The following KCND2 variants were observed in gnomAD, a reference collection of about 807,000 sequenced individuals.
KCND2 encodes potassium voltage-gated channel subfamily D member 2.
In KCND2, 16 loss-of-function variants were observed where a neutral mutation model predicts 54.4. The observed-to-expected ratio is 0.29, with a 90% CI of 0.20 to 0.45. The LOEUF is 0.45. Ranked by LOEUF, KCND2 falls within the 20% of genes least tolerant of loss-of-function variation. The pLI is 1.00. For missense variants in KCND2, 486 were observed against 824.2 expected (o/e 0.59, Z 5.02); for synonymous variants, 317 against 310.7 (o/e 1.02, Z -0.21).
chr7:120,513,882 T>C (rs1468385578), intron 1 of KCND2, among the ~76,000 whole-genome samples: 1 of 152,128 alleles, frequency 6.6e-6, no homozygotes, highest in African/African-American at 2.4e-5. Context: ...AGTTCAGGAA[T>C]TGTTTTGAAG....
intron 1 of KCND2, among the ~76,000 whole-genome samples, chr7:120,454,816 A>C (rs765609278): frequency 6.6e-6 from 1 of 152,206 alleles, no homozygotes; most frequent in African/African-American, 2.4e-5. Flanking sequence ...CTAGATCTTT[A>C]TAAGCCACTT....
intron 1 of KCND2, among the ~76,000 whole-genome samples, chr7:120,389,920 A>G (rs528667051): frequency 6.6e-6 from 1 of 152,034 alleles, no homozygotes; most frequent in Non-Finnish European, 1.5e-5. Flanking sequence ...TTGATCACCT[A>G]TTAATGAGAG....
chr7:120,537,920 T>A (rs1791931881), intron 1 of KCND2, among the ~76,000 whole-genome samples: 1 of 152,208 alleles, frequency 6.6e-6, no homozygotes, highest in Non-Finnish European at 1.5e-5. Flanking sequence ...TAAGGCTGTT[T>A]CACTTTATTA....
chr7:120,618,802 GA>G (rs1473639122), intron 1 of KCND2, among the ~76,000 whole-genome samples: 1 of 152,020 alleles, frequency 6.6e-6, no homozygotes, highest in Non-Finnish European at 1.5e-5. Context: ...ATGTCATTGT[GA>G]TATTCAGTGT....
rs1801914059 is a variant in KCND2, at chr7:120,439,169, TTTATA to T, written c.1115+163429_1115+163433del. Reference sequence around the variant, plus strand: ...TCAGAAGAAATTATGGTTCTTTAAATTTATATTATATGTTCCCTGTAAGAAATTAA... The same window carrying T: ...TCAGAAGAAATTATGGTTCTTTAAATTTATATGTTCCCTGTAAGAAATTAA... On this transcript the variant is annotated intron_variant, in intron 1 of 5. Coordinates refer to ENST00000331113, the MANE Select transcript of KCND2 (RefSeq NM_012281.3). Among the ~76,000 whole-genome samples, 8 of 152,202 alleles carry T rather than the reference TTTATA, an allele frequency of 5.3e-5. No homozygotes were observed. The South Asian group carries it at 1.7e-3, about 32-fold the overall frequency.
At chr7:120,362,509 T>C (rs1032160372) in intron 1 of KCND2, among the ~76,000 whole-genome samples, 1 of 152,064 alleles carries the variant, frequency 6.6e-6, no homozygotes, top group African/African-American at 2.4e-5. Context: ...TATTTCCAAG[T>C]AAAAATATGT....
intron 1 of KCND2, among the ~76,000 whole-genome samples, chr7:120,602,493 C>T (rs1412109229): frequency 6.6e-6 from 1 of 152,270 alleles, no homozygotes; most frequent in East Asian, 1.9e-4. Flanking sequence ...CCAGTTATGG[C>T]GATGCTGAGC....
chr7:120,578,725 G>A (rs987190291), intron 1 of KCND2, among the ~76,000 whole-genome samples: 2 of 151,986 alleles, frequency 1.3e-5, no homozygotes, highest in Non-Finnish European at 2.9e-5. Flanking sequence ...CATTAACCTG[G>A]CGTGGTGGTG....
chr7:120,341,993 A>T (rs1045241117), intron 1 of KCND2, among the ~76,000 whole-genome samples: 2 of 152,162 alleles, frequency 1.3e-5, no homozygotes, highest in African/African-American at 4.8e-5. Flanking sequence ...ATCCCATCTC[A>T]TGTGATTTTT....
chr7:120,343,280 T>C (rs1236721916), intron 1 of KCND2, among the ~76,000 whole-genome samples: 1 of 152,042 alleles, frequency 6.6e-6, no homozygotes, highest in East Asian at 1.9e-4. Context: ...AACTAGCTAG[T>C]CTATTCCAGA....
chr7:120,716,676 C>T (rs543021359), intron 1 of KCND2, among the ~76,000 whole-genome samples: 5 of 152,204 alleles, frequency 3.3e-5, no homozygotes, highest in East Asian at 3.9e-4. Flanking sequence ...GATTTCAGTG[C>T]CCCAGTCTTC....
chr7:120,591,815 T>C (rs1792675312), intron 1 of KCND2, among the ~76,000 whole-genome samples: 6 of 151,780 alleles, frequency 4.0e-5, no homozygotes, highest in Admixed American at 3.9e-4. Flanking sequence ...CTTGCCACTA[T>C]GTGTGAAATA....
chr7:120,453,866 C>T (rs1802155489), intron 1 of KCND2, among the ~76,000 whole-genome samples: 1 of 152,156 alleles, frequency 6.6e-6, no homozygotes, highest in South Asian at 2.1e-4. Flanking sequence ...GTGGGCGGAT[C>T]ATGAGGTCAC....
Position 120,489,296 on chromosome 7 carries a change from TAA to T in KCND2, c.1115+213550_1115+213551del, listed in dbSNP as rs532967258. Among the ~76,000 whole-genome samples, 15 of 152,196 alleles carry T rather than the reference TAA, an allele frequency of 9.9e-5. No individual in the cohort carries two copies. The South Asian group carries it at 1.2e-3, about 13-fold the overall frequency. ...TATATGTATGAACTAGATAGATGCA[TAA>T]GTCATATACAATGTATTAATATGAT... On this transcript the variant is annotated intron_variant, in intron 1 of 5. Coordinates refer to ENST00000331113, the MANE Select transcript of KCND2 (RefSeq NM_012281.3).
chr7:120,669,989 C>T (rs1791971377), intron 1 of KCND2, among the ~76,000 whole-genome samples: 1 of 152,034 alleles, frequency 6.6e-6, no homozygotes, highest in Admixed American at 6.6e-5. Context: ...AAGCTTTCTG[C>T]AGGACCATAG....
At chr7:120,628,209 A>G (rs547862471) in intron 1 of KCND2, among the ~76,000 whole-genome samples, 6 of 152,338 alleles carry the variant, frequency 3.9e-5, no homozygotes, top group Non-Finnish European at 7.3e-5. Flanking sequence ...CGAACACTCA[A>G]ATAACTTAGG....
chr7:120,567,789 A>G (rs1792315976), intron 1 of KCND2, among the ~76,000 whole-genome samples: 1 of 152,118 alleles, frequency 6.6e-6, no homozygotes, highest in African/African-American at 2.4e-5. Context: ...TTTGCACACC[A>G]ACATCATGGG....
intron 1 of KCND2, among the ~76,000 whole-genome samples, chr7:120,513,612 T>C (rs973774677): frequency 6.6e-6 from 1 of 152,112 alleles, no homozygotes; most frequent in Admixed American, 6.6e-5. Context: ...GTGAGTACTA[T>C]ATAAAGATAT....
chr7:120,739,852 A>T (rs1177343839), intron 2 of KCND2, among the ~76,000 whole-genome samples: 1 of 151,530 alleles, frequency 6.6e-6, no homozygotes, highest in Non-Finnish European at 1.5e-5. Context: ...TTGGTCCAGG[A>T]ATAATTTTGC....
Sources: allele counts gnomAD v4.1 joint callset (sites outside exome capture counted in the v4.1 genomes callset), GRCh38; gene constraint gnomAD v4.1.1; transcripts MANE v1.5; gene names NCBI Gene and HGNC (gene_info 2026-07-23, HGNC 2026-07-21).